Variants in NR2C2 observed in about 807,000 individuals in gnomAD.
The protein encoded by NR2C2 is Nuclear hormone receptor TR4.
A neutral mutation model predicts 62.9 loss-of-function variants in NR2C2; 6 were observed. That is an observed-to-expected ratio of 0.10 (90% confidence interval 0.05 to 0.19). The LOEUF is 0.19. Ranked by LOEUF, NR2C2 falls within the 10% of genes least tolerant of loss-of-function variation. NR2C2 has a pLI of 1.00. For missense variants in NR2C2, 479 were observed against 762.7 expected (o/e 0.63, Z 4.38); for synonymous variants, 272 against 273.8 (o/e 0.99, Z 0.07).
At chr3:14,980,333 AT>A (rs889069115) in intron 1 of NR2C2, among the ~76,000 whole-genome samples, 2 of 151,368 alleles carry the variant, frequency 1.3e-5, no homozygotes, top group African/African-American at 4.9e-5. Flanking sequence ...AAAAAAAAAA[AT>A]GTTTTTTTGG....
intron 10 of NR2C2, among the ~76,000 whole-genome samples, chr3:15,033,975 G>A (rs1431668418): frequency 6.6e-6 from 1 of 152,192 alleles, no homozygotes; most frequent in Non-Finnish European, 1.5e-5. Context: ...CTGCCTTCCT[G>A]TGGCTGGGCC....
intron 13 of NR2C2, among the ~76,000 whole-genome samples, chr3:15,041,963 A>G (rs1246438048): frequency 6.6e-6 from 1 of 152,258 alleles, no homozygotes; most frequent in African/African-American, 2.4e-5. Context: ...TAAAATACCA[A>G]AGGTTTTGTA....
In NR2C2 at chr3:15,034,796, C is replaced by G; in HGVS notation, c.1359C>G (p.Asn453Lys). ...CTGCCATTGTCAACCACCTGCAGAA[C>G]AGCATCCAGGAAGGTAGGGCACAGG... The part of the protein sequence containing the change: ...ILAAIVNHLQ[N>K]SIQEDKLSGD... Residue 453 changes from asparagine to lysine, a missense_variant, in exon 11 of 14, where the codon AAC becomes AAG. Transcript: ENST00000425241. The G allele has an allele frequency of 6.2e-7, 1 of 1,613,006 alleles. No homozygotes were observed. The highest frequency in any genetic ancestry group is 8.5e-7 in the Non-Finnish European group (1 of 1,179,472).
chr3:15,013,264 T>G (rs1168590904), intron 2 of NR2C2, among the ~76,000 whole-genome samples: 1 of 152,216 alleles, frequency 6.6e-6, no homozygotes, highest in African/African-American at 2.4e-5. Context: ...TGCCTACATT[T>G]GTTATTAGGT....
chr3:15,038,209 T>C, intron 12 of NR2C2, 72 bp downstream of exon 12: 3 of 1,464,558 alleles, frequency 2.0e-6, no homozygotes, highest in Non-Finnish European at 2.8e-6. Context: ...GTGAACATGT[T>C]GTCATCATTG....
At chr3:14,958,979 A>T in intron 1 of NR2C2, among the ~76,000 whole-genome samples, 1 of 152,152 alleles carries the variant, frequency 6.6e-6, no homozygotes, top group Non-Finnish European at 1.5e-5. Flanking sequence ...CGTCTCAAAA[A>T]ATATATATAT....
rs188696796 is a variant in NR2C2 at position 14,988,826 on chromosome 3, G to T, written c.-39-15050G>T. The stretch of plus-strand genomic sequence containing the variant: ...CATATTCATCCATTCATCACATATG[G>T]TGAATTTATTTCACCATAAATTGTT... On this transcript the variant is annotated intron_variant, in intron 1 of 13. Transcript: ENST00000425241. 2.7e-3 allele frequency among the ~76,000 whole-genome samples: 414 copies of T among 152,042 alleles called. 12 individuals carry two copies. The highest frequency in any genetic ancestry group is 3.4e-3 in the Non-Finnish European group (231 of 67,976).
rs532642476 is a variant in NR2C2 at position 14,969,059 on chromosome 3, C to G, written c.-40+21153C>G. Among the ~76,000 whole-genome samples the G allele has an allele frequency of 4.4e-3, 656 of 147,588 alleles. 1 individual carries two copies. Among genetic ancestry groups the G allele is most frequent in the African/African-American group, 0.016 (629 of 39,882 alleles). On this transcript the variant is annotated intron_variant, in intron 1 of 13. Transcript: ENST00000425241. ...CTAGATGACGAGTTAGTGGGTGCAGCGCACCAGCATGGCACATGTATACAT... is the reference window on the plus strand; with the variant it reads ...CTAGATGACGAGTTAGTGGGTGCAGGGCACCAGCATGGCACATGTATACAT...
chr3:14,961,280 C>A (rs1431703758), intron 1 of NR2C2, among the ~76,000 whole-genome samples: 1 of 152,034 alleles, frequency 6.6e-6, no homozygotes, highest in Non-Finnish European at 1.5e-5. Flanking sequence ...TAGAAAGTTA[C>A]CAGAGAGTTA....
chr3:14,984,612 C>T (rs995395034), intron 1 of NR2C2, among the ~76,000 whole-genome samples: 10 of 152,058 alleles, frequency 6.6e-5, no homozygotes, highest in Admixed American at 5.2e-4. Context: ...GAGACTCATC[C>T]GTATTGTTGC....
At chr3:15,013,525 C>T (rs2041415193) in intron 2 of NR2C2, 64 bp from the exon 3 acceptor site, 7 of 1,472,708 alleles carry the variant, frequency 4.8e-6, no homozygotes, top group Admixed American at 3.6e-5. Context: ...ACTTTGAGCA[C>T]CACCTGCAAA....
chr3:14,993,132 C>T (rs1574973441), intron 1 of NR2C2, among the ~76,000 whole-genome samples: 2 of 152,236 alleles, frequency 1.3e-5, no homozygotes, highest in South Asian at 2.1e-4. Context: ...CTTTTTATTG[C>T]TGTGCTGATG....
chr3:15,021,793 A>G (rs1315562371), intron 5 of NR2C2, among the ~76,000 whole-genome samples: 1 of 152,270 alleles, frequency 6.6e-6, no homozygotes, highest in Non-Finnish European at 1.5e-5. Flanking sequence ...CTGAAAACCA[A>G]TATATTTCAG....
chr3:14,971,606 T>C lies in NR2C2; in HGVS notation c.-40+23700T>C, dbSNP rs549711101. Reference sequence around the variant, plus strand: ...AACCATGTTACATTCTTACCAGCAGTGCACAAGGGTTCTAGTTTCTCCACA... The same window carrying C: ...AACCATGTTACATTCTTACCAGCAGCGCACAAGGGTTCTAGTTTCTCCACA... On this transcript the variant is annotated intron_variant, in intron 1 of 13. Transcript: ENST00000425241. Among the ~76,000 whole-genome samples the C allele has an allele frequency of 3.3e-5, 5 of 151,698 alleles. 2 individuals are homozygous for C. The East Asian group carries it at 9.6e-4, about 29-fold the overall frequency.
chr3:14,958,970 G>A (rs146726865), intron 1 of NR2C2, among the ~76,000 whole-genome samples: 2,417 of 152,304 alleles, frequency 0.016, 68 homozygotes, highest in African/African-American at 0.054. Context: ...GCAAGACTCC[G>A]TCTCAAAAAA....
chr3:14,989,366 C>T (rs763609342), intron 1 of NR2C2, among the ~76,000 whole-genome samples: 1 of 152,100 alleles, frequency 6.6e-6, no homozygotes, highest in Admixed American at 6.6e-5. Context: ...TATTCATGTG[C>T]CCGGTGCGTG....
intron 1 of NR2C2, among the ~76,000 whole-genome samples, chr3:14,984,755 G>A (rs2040469770): frequency 6.6e-6 from 1 of 151,940 alleles, no homozygotes; most frequent in Non-Finnish European, 1.5e-5. Flanking sequence ...GAACATTTGT[G>A]TATGTCTTTG....
chr3:15,012,540 A>G (rs2041385691), intron 2 of NR2C2, among the ~76,000 whole-genome samples: 1 of 137,610 alleles, frequency 7.3e-6, no homozygotes, highest in Admixed American at 7.2e-5. Flanking sequence ...TTCCATTTCA[A>G]AAGTGTGGTA....
chr3:15,038,403 C>G, intron 12 of NR2C2: 1 of 306,396 alleles, frequency 3.3e-6, no homozygotes. Flanking sequence ...ATTGGCCAAA[C>G]AAGACTACAC....
Sources: gnomAD v4.1 joint callset for allele counts (sites outside exome capture counted in the v4.1 genomes callset) on GRCh38, gnomAD v4.1.1 for gene constraint, MANE v1.5 for transcripts, NCBI Gene and HGNC (gene_info 2026-07-23, HGNC 2026-07-21) for gene names.